Variants in PACRG observed in about 807,000 individuals in gnomAD.
PACRG encodes parkin coregulated, also known as parkin coregulated gene protein.
Under a neutral mutation model 29.7 loss-of-function variants are expected in PACRG, and 29 were observed. The observed-to-expected ratio is 0.98, with a 90% CI of 0.73 to 1.33. The LOEUF (loss-of-function observed/expected upper bound fraction) is 1.33, where lower values mean the gene tolerates loss of function less well. Ranked by LOEUF, PACRG falls within the 40% of genes most tolerant of loss-of-function variation. The pLI is 0.00. For synonymous variants in PACRG, 116 were observed against 118.7 expected (o/e 0.98, Z 0.15); for missense variants, 279 against 316.2 (o/e 0.88, Z 0.89).
chr6:162,960,669 T>A (rs796649687), intron 2 of PACRG, among the ~76,000 whole-genome samples: 19 of 152,348 alleles, frequency 1.2e-4, no homozygotes, highest in African/African-American at 4.3e-4. Flanking sequence ...GTTCACTACC[T>A]GGATGCAATA....
At chr6:163,234,605 C>A (rs911004849) in intron 4 of PACRG, among the ~76,000 whole-genome samples, 1 of 152,186 alleles carries the variant, frequency 6.6e-6, no homozygotes, top group Non-Finnish European at 1.5e-5. Context: ...AAAACACCTA[C>A]ATTTAAGGGA....
intron 2 of PACRG, among the ~76,000 whole-genome samples, chr6:162,968,299 C>T (rs1259712430): frequency 6.6e-6 from 1 of 152,152 alleles, no homozygotes; most frequent in Non-Finnish European, 1.5e-5. Flanking sequence ...TCAAGATATG[C>T]GTGTGTACAT....
intron 2 of PACRG, among the ~76,000 whole-genome samples, chr6:162,946,170 A>C (rs1325583034): frequency 6.6e-6 from 1 of 152,058 alleles, no homozygotes; most frequent in Non-Finnish European, 1.5e-5. Flanking sequence ...GAGCAGAACT[A>C]AATAAAATAG....
chr6:163,181,604 CAAAAAAAAAAAAAA>C (rs544633309), intron 4 of PACRG, among the ~76,000 whole-genome samples: 5 of 65,102 alleles, frequency 7.7e-5, no homozygotes, highest in Non-Finnish European at 1.1e-4. Flanking sequence ...CTTGAGGTGG[CAAAAAAAAAAAAAA>C]AAAAAAAAAA....
chr6:162,895,493 G>C (rs1339114079), intron 2 of PACRG, among the ~76,000 whole-genome samples: 1 of 152,054 alleles, frequency 6.6e-6, no homozygotes, highest in Non-Finnish European at 1.5e-5. Context: ...TCTTTACTTT[G>C]TATCAAATGG....
intron 4 of PACRG, among the ~76,000 whole-genome samples, chr6:163,284,798 C>G (rs933970320): frequency 2.6e-5 from 4 of 152,182 alleles, no homozygotes; most frequent in Non-Finnish European, 4.4e-5. Context: ...CCTTTGTCCT[C>G]CCCTGTTGCC....
At chr6:162,887,714 G>T (rs193186962) in intron 2 of PACRG, among the ~76,000 whole-genome samples, 1 of 151,982 alleles carries the variant, frequency 6.6e-6, no homozygotes, top group African/African-American at 2.4e-5. Context: ...TTTTGACCTC[G>T]CCCTGCCTCC....
chr6:162,875,331 A>T (rs994349329), intron 2 of PACRG, among the ~76,000 whole-genome samples: 6 of 151,954 alleles, frequency 3.9e-5, no homozygotes, highest in Non-Finnish European at 8.8e-5. Flanking sequence ...TCACACACAG[A>T]CATGCACACA....
chr6:163,001,749 T>G (rs755387151), intron 2 of PACRG, among the ~76,000 whole-genome samples: 2 of 152,230 alleles, frequency 1.3e-5, no homozygotes, highest in Non-Finnish European at 1.5e-5. Flanking sequence ...GTAGACAGCA[T>G]TCACTTATTC....
chr6:162,988,017 G>A (rs1385195693), intron 2 of PACRG, among the ~76,000 whole-genome samples: 1 of 152,214 alleles, frequency 6.6e-6, no homozygotes, highest in Non-Finnish European at 1.5e-5. Context: ...ACATTCAAGA[G>A]AACACCAGTT....
chr6:162,914,680 A>G, intron 2 of PACRG, among the ~76,000 whole-genome samples: 1 of 150,602 alleles, frequency 6.6e-6, no homozygotes, highest in Non-Finnish European at 1.5e-5. Context: ...TACCAGTTCC[A>G]ATCCATGATT....
Position 163,130,160 on chromosome 6 carries a change from C to A in PACRG, c.613+40752C>A, listed in dbSNP as rs552811636. Among the ~76,000 whole-genome samples, 3 of 152,304 alleles carry A rather than the reference C, an allele frequency of 2.0e-5. No homozygotes were observed. The South Asian group carries it at 6.2e-4, about 32-fold the overall frequency. On this transcript the variant is annotated intron_variant, in intron 4 of 4. Coordinates refer to ENST00000366888, the MANE Select transcript of PACRG (RefSeq NM_001080379.2). ...GGCTGCATAGTCACTTATATAACCA[C>A]AAAGCCGCTTAGTCCTATGTGTGCC...
chr6:163,143,701 A>G (rs1472065815), intron 4 of PACRG, among the ~76,000 whole-genome samples: 1 of 152,120 alleles, frequency 6.6e-6, no homozygotes, highest in African/African-American at 2.4e-5. Flanking sequence ...CTATTTGGTC[A>G]CCATGTGTGG....
intron 1 of PACRG, among the ~76,000 whole-genome samples, chr6:162,744,561 C>G (rs754522868): frequency 6.6e-6 from 1 of 152,106 alleles, no homozygotes; most frequent in African/African-American, 2.4e-5. Flanking sequence ...TCACTGCACT[C>G]CAGCCTCAGT....
intron 2 of PACRG, among the ~76,000 whole-genome samples, chr6:162,937,049 G>A (rs1210091045): frequency 6.6e-6 from 1 of 152,172 alleles, no homozygotes; most frequent in Non-Finnish European, 1.5e-5. Flanking sequence ...AAGTGCCAGA[G>A]TAGAAAAGGA....
At chr6:162,852,638 TG>T in intron 2 of PACRG, among the ~76,000 whole-genome samples, 1 of 152,232 alleles carries the variant, frequency 6.6e-6, no homozygotes, top group Non-Finnish European at 1.5e-5. Flanking sequence ...GGTCCATACA[TG>T]TGGCTGAATA....
chr6:163,201,775 C>T (rs1026305363), intron 4 of PACRG, among the ~76,000 whole-genome samples: 6 of 152,368 alleles, frequency 3.9e-5, no homozygotes, highest in Admixed American at 3.9e-4. Flanking sequence ...TGACGGTTCT[C>T]TCTCCGCTGG....
At chr6:163,252,280 G>A (rs1469938451) in intron 4 of PACRG, among the ~76,000 whole-genome samples, 1 of 152,256 alleles carries the variant, frequency 6.6e-6, no homozygotes, top group Non-Finnish European at 1.5e-5. Flanking sequence ...CATCGCTGAC[G>A]CTCGGCCAGG....
At chr6:162,857,692 A>C (rs1791516760) in intron 2 of PACRG, among the ~76,000 whole-genome samples, 1 of 152,078 alleles carries the variant, frequency 6.6e-6, no homozygotes, top group Admixed American at 6.6e-5. Context: ...AAAAATGCTT[A>C]GTAAATCTGT....
Sources: allele counts gnomAD v4.1 joint callset (sites outside exome capture counted in the v4.1 genomes callset), GRCh38; gene constraint gnomAD v4.1.1; transcripts MANE v1.5; gene names NCBI Gene and HGNC (gene_info 2026-07-23, HGNC 2026-07-21).